NRXN3: variants seen among roughly 807,000 people sequenced by gnomAD.
The protein encoded by NRXN3 is neurexin III.
A neutral mutation model predicts 137.6 loss-of-function variants in NRXN3; 32 were observed. The observed-to-expected ratio is 0.23, with a 90% CI of 0.18 to 0.31. NRXN3 has a LOEUF of 0.31. NRXN3 is among the 10% of genes least tolerant of loss of function. NRXN3 has a pLI of 1.00. For synonymous variants in NRXN3, 798 were observed against 784.5 expected (o/e 1.02, Z -0.29); for missense variants, 1,574 against 2,062.5 (o/e 0.76, Z 4.59).
chr14:79,297,438 A>C (rs143240025), intron 15 of NRXN3, among the ~76,000 whole-genome samples: 2 of 152,120 alleles, frequency 1.3e-5, no homozygotes, highest in African/African-American at 4.8e-5. Context: ...TTCAAAGTTA[A>C]CTGGGCATCC....
At chr14:78,442,113 A>T (rs1330954807) in intron 4 of NRXN3, among the ~76,000 whole-genome samples, 2 of 151,620 alleles carry the variant, frequency 1.3e-5, no homozygotes, top group African/African-American at 4.8e-5. Context: ...AAAAAAAAAA[A>T]AAAAGGTTAG....
chr14:79,528,785 A>G (rs1038050222), intron 16 of NRXN3, among the ~76,000 whole-genome samples: 4 of 152,054 alleles, frequency 2.6e-5, no homozygotes, highest in Non-Finnish European at 5.9e-5. Context: ...AAAATGGATG[A>G]TTTTGTTTTC....
intron 16 of NRXN3, among the ~76,000 whole-genome samples, chr14:79,510,605 AT>A (rs2096923388): frequency 6.6e-6 from 1 of 152,130 alleles, no homozygotes; most frequent in African/African-American, 2.4e-5. Context: ...AAACGAAGTG[AT>A]TTTGGGGCTG....
At chr14:78,872,259 G>GTA (rs918557899) in intron 10 of NRXN3, among the ~76,000 whole-genome samples, 1 of 146,164 alleles carries the variant, frequency 6.8e-6, no homozygotes, top group African/African-American at 2.5e-5. Context: ...TATTATATAT[G>GTA]TATATATATT....
At chr14:78,698,158 C>G (rs918590053) in intron 6 of NRXN3, 1 of 152,022 alleles carries the variant, frequency 6.6e-6, no homozygotes, top group African/African-American at 2.4e-5. Flanking sequence ...ACCCATTAGC[C>G]TGCACCTCTT....
At chr14:78,596,029 C>T (rs1236925526) in intron 4 of NRXN3, among the ~76,000 whole-genome samples, 1 of 151,990 alleles carries the variant, frequency 6.6e-6, no homozygotes, top group Non-Finnish European at 1.5e-5. Flanking sequence ...GGATGAGGTT[C>T]TAAATGTTCT....
Position 79,054,610 on chromosome 14 carries a change from G to A in NRXN3, c.3262+66469G>A, listed in dbSNP as rs549357154. ...CCTTTGGGAATGCAGAGAACTGAAG[G>A]CCCTGGCTGAGCAAACCCCAGCTGG... is the stretch of plus-strand genomic sequence containing the variant. On this transcript the variant is annotated intron_variant, in intron 15 of 20. Coordinates refer to ENST00000335750, the MANE Select transcript of NRXN3 (RefSeq NM_001330195.2). 5.4e-4 allele frequency among the ~76,000 whole-genome samples: 82 copies of A among 152,276 alleles called. 3 individuals are homozygous for A. In the South Asian group the frequency reaches 0.016, roughly 29 times the overall value.
chr14:79,761,281 G>A (rs1426599910), intron 19 of NRXN3, among the ~76,000 whole-genome samples: 1 of 151,576 alleles, frequency 6.6e-6, no homozygotes. Flanking sequence ...CGAACTTAAA[G>A]CTCAGTTCAA....
chr14:78,772,994 C>A (rs891562173), intron 8 of NRXN3, among the ~76,000 whole-genome samples: 1 of 152,070 alleles, frequency 6.6e-6, no homozygotes, highest in South Asian at 2.1e-4. Context: ...TTTTTAGTTA[C>A]GTTTTGTTCT....
chr14:78,744,569 T>C (rs2098598493), intron 8 of NRXN3: 1 of 152,232 alleles, frequency 6.6e-6, no homozygotes, highest in South Asian at 2.1e-4. Context: ...TTTGGCAACA[T>C]TATTCCCATT....
chr14:79,104,160 A>G (rs1212957024), intron 15 of NRXN3, among the ~76,000 whole-genome samples: 1 of 152,222 alleles, frequency 6.6e-6, no homozygotes, highest in African/African-American at 2.4e-5. Flanking sequence ...CTTCTATGCC[A>G]TAGCACTTAT....
At chr14:78,635,579 C>T (rs2097560318) in intron 4 of NRXN3, among the ~76,000 whole-genome samples, 1 of 152,132 alleles carries the variant, frequency 6.6e-6, no homozygotes, top group Admixed American at 6.5e-5. Flanking sequence ...ACTAGGGACA[C>T]AGACCTCTCC....
chr14:79,097,703 T>A (rs2050594394), intron 15 of NRXN3, among the ~76,000 whole-genome samples: 1 of 152,172 alleles, frequency 6.6e-6, no homozygotes, highest in Admixed American at 6.5e-5. Flanking sequence ...TATATACAAT[T>A]ATTTCAATAT....
chr14:79,414,098 C>T lies in NRXN3; in HGVS notation c.3263-53123C>T, dbSNP rs184395466. Reference sequence around the variant, plus strand: ...GATAAGAAAATCCAGATTTTAGACTCACCATTCTGCGGGGGAGTGGGGGCG... The same window carrying T: ...GATAAGAAAATCCAGATTTTAGACTTACCATTCTGCGGGGGAGTGGGGGCG... On this transcript the variant is annotated intron_variant, in intron 15 of 20. Transcript: ENST00000335750. Among the ~76,000 whole-genome samples, 6 of 152,120 alleles carry T rather than the reference C, an allele frequency of 3.9e-5. No individual in the cohort carries two copies. In the East Asian group the frequency reaches 1.2e-3, roughly 29 times the overall value.
intron 15 of NRXN3, among the ~76,000 whole-genome samples, chr14:79,083,340 A>T (rs1456543980): frequency 3.3e-5 from 5 of 152,232 alleles, no homozygotes; most frequent in Admixed American, 6.5e-5. Context: ...GAGGGAAAGG[A>T]TCCCTGCCAG....
chr14:78,913,642 G>A (rs1317990786), intron 10 of NRXN3, among the ~76,000 whole-genome samples: 3 of 152,094 alleles, frequency 2.0e-5, no homozygotes, highest in African/African-American at 7.2e-5. Flanking sequence ...CTTTAGAAAT[G>A]TTCATATTCG....
chr14:78,386,483 C>G (rs1001301086), intron 4 of NRXN3, among the ~76,000 whole-genome samples: 2 of 151,962 alleles, frequency 1.3e-5, no homozygotes, highest in African/African-American at 4.8e-5. Flanking sequence ...ACCAAGGGAC[C>G]CAGAAGTCTT....
At chr14:78,643,341 T>G (rs1375889591) in intron 4 of NRXN3, among the ~76,000 whole-genome samples, 1 of 152,172 alleles carries the variant, frequency 6.6e-6, no homozygotes, top group Non-Finnish European at 1.5e-5. Context: ...GCCTCCAATC[T>G]TTAGAGGGAA....
intron 15 of NRXN3, among the ~76,000 whole-genome samples, chr14:79,116,856 T>C (rs1321039345): frequency 1.3e-5 from 2 of 152,166 alleles, no homozygotes; most frequent in African/African-American, 4.8e-5. Flanking sequence ...TAATAAAATA[T>C]AAGAGTTTGG....
Sources: gnomAD v4.1 joint callset for allele counts (sites outside exome capture counted in the v4.1 genomes callset) on GRCh38, gnomAD v4.1.1 for gene constraint, MANE v1.5 for transcripts, NCBI Gene and HGNC (gene_info 2026-07-23, HGNC 2026-07-21) for gene names.